MACF1: variants seen among roughly 807,000 people sequenced by gnomAD.
MACF1 encodes the protein microtubule-actin cross-linking factor 1.
MACF1 carries 193 observed loss-of-function variants against 854.8 expected under a neutral mutation model. The observed-to-expected ratio is 0.23, with a 90% CI of 0.20 to 0.25. The LOEUF (loss-of-function observed/expected upper bound fraction) is 0.25. Ranked by LOEUF, MACF1 falls within the 10% of genes least tolerant of loss-of-function variation. The pLI is 1.00. For missense variants in MACF1, 7,722 were observed against 8,929.1 expected (o/e 0.86, Z 5.45); for synonymous variants, 3,185 against 3,226.7 (o/e 0.99, Z 0.44).
Position 39,315,611 on chromosome 1 carries a change from C to A in MACF1, c.3369C>A (p.Val1123=), listed in dbSNP as rs776987214. ...FLHQSPSSSS[V]PTLRSELNLL... The stretch of plus-strand genomic sequence containing the variant: ...ATCAGTCTCCATCTAGTTCAAGTGT[C>A]CCAACTCTGCGCTCAGAACTGAATC... Residue 1123 remains valine, a synonymous_variant, in exon 27 of 101, where the codon GTC becomes GTA. Transcript: ENST00000564288. 5.0e-6 allele frequency: 8 copies of A among 1,614,118 alleles called. No homozygotes were observed. In the Admixed American group the frequency reaches 1.3e-4, roughly 27 times the overall value.
At chr1:39,379,072 A>G (rs1360441566) in intron 53 of MACF1, 131 bp from the exon 54 acceptor site, 2 of 992,838 alleles carry the variant, frequency 2.0e-6, no homozygotes, top group Non-Finnish European at 2.9e-6. Context: ...GAACTTTTGT[A>G]TGATTTAGCA....
At chr1:39,430,610 A>G in intron 65 of MACF1, 92 bp from the exon 66 acceptor site, 1 of 929,232 alleles carries the variant, frequency 1.1e-6, no homozygotes, top group East Asian at 2.5e-5. Context: ...TCCTGCTGGG[A>G]TGTGTGGTAG....
At chr1:39,231,359 T>C in intron 2 of MACF1, 116 bp downstream of exon 2, 1 of 913,306 alleles carries the variant, frequency 1.1e-6, no homozygotes, top group Admixed American at 2.0e-5. Flanking sequence ...TCTATGAAGA[T>C]ACACATGTGA....
At chr1:39,241,147 A>G (rs565813125) in intron 2 of MACF1, among the ~76,000 whole-genome samples, 1 of 151,496 alleles carries the variant, frequency 6.6e-6, no homozygotes, top group African/African-American at 2.4e-5. Flanking sequence ...GAGATCTGCC[A>G]TTCAGAAATC....
intron 30 of MACF1, among the ~76,000 whole-genome samples, chr1:39,318,830 CTG>C (rs751616364): frequency 1.3e-5 from 2 of 151,952 alleles, no homozygotes; most frequent in African/African-American, 4.8e-5. Flanking sequence ...GTTTCTGTAA[CTG>C]TATTGAAACC....
intron 70 of MACF1, chr1:39,437,559 A>T: frequency 4.0e-6 from 2 of 497,440 alleles, no homozygotes; most frequent in Non-Finnish European, 7.7e-6. Context: ...TGATCCACAC[A>T]CCTCAGCCTC....
chr1:39,214,708 T>C (rs1359091070), intron 1 of MACF1, among the ~76,000 whole-genome samples: 1 of 152,154 alleles, frequency 6.6e-6, no homozygotes, highest in African/African-American at 2.4e-5. Context: ...CAGCTGTAAG[T>C]GCGGGGAAGG....
intron 2 of MACF1, among the ~76,000 whole-genome samples, chr1:39,183,004 A>G (rs930915630): frequency 6.6e-6 from 1 of 152,240 alleles, no homozygotes; most frequent in Non-Finnish European, 1.5e-5. Flanking sequence ...TATCCATACA[A>G]CAGAATATTA....
At chr1:39,094,117 AT>A (rs1641878941) in intron 2 of MACF1, among the ~76,000 whole-genome samples, 3 of 151,756 alleles carry the variant, frequency 2.0e-5, no homozygotes, top group Admixed American at 2.0e-4. Flanking sequence ...CAAGACTCAG[AT>A]TTTTTTTACC....
rs746668953 is a variant in MACF1, at chr1:39,388,694, T to C, written c.15816+36T>C. The C allele has an allele frequency of 3.3e-6, 5 of 1,500,372 alleles. No individual in the cohort carries two copies. In the African/African-American group the frequency reaches 7.0e-5, roughly 21 times the overall value. The allele number at this position is 1,500,372 out of a possible 1,614,324, so 92.9% of individuals were successfully genotyped here. A position where few individuals can be genotyped will look rare whatever the true frequency, so the allele number is the denominator to read the frequency against. ...ACCTTGTTTTTCTTTTTCTTTTACA[T>C]GTATTTATTTGCTTGTAACTTGGAA... On this transcript the variant is annotated intron_variant, in intron 58 of 100. Transcript: ENST00000564288.
chr1:39,134,368 T>G (rs1273784348), intron 2 of MACF1, among the ~76,000 whole-genome samples: 1 of 152,148 alleles, frequency 6.6e-6, no homozygotes, highest in African/African-American at 2.4e-5. Flanking sequence ...TTAACAAGAA[T>G]AAGTGGAATC....
At chr1:39,484,468 C>G in intron 99 of MACF1, 133 bp from the exon 100 acceptor site, 1 of 753,402 alleles carries the variant, frequency 1.3e-6, no homozygotes, top group Non-Finnish European at 2.2e-6. Flanking sequence ...TAAGAGAAAT[C>G]TTTGTTTTCC....
At position 39,434,408 on chromosome 1, in the gene MACF1, A is replaced by G. The variant is rs374768437; in HGVS notation, c.17566-6A>G. 5.8e-6 allele frequency: 8 copies of G among 1,386,200 alleles called. No homozygotes were observed. Among genetic ancestry groups the G allele is most frequent in the Non-Finnish European group, 6.8e-6 (7 of 1,034,082 alleles). 85.9% of individuals were successfully genotyped at this position (1,386,200 alleles called of 1,614,324 possible). A position where few individuals can be genotyped will look rare whatever the true frequency, so the allele number is the denominator to read the frequency against. On this transcript the variant is annotated splice_region_variant and splice_polypyrimidine_tract_variant and intron_variant, in intron 68 of 100. Coordinates refer to ENST00000564288, the MANE Select transcript of MACF1 (RefSeq NM_001394062.1). ...ATCCTTTTTTTTTTTTTTTTTGCTC[A>G]CATAGGAAAAGACAGAGTCTCTAAT...
In MACF1 at chr1:39,430,842, A is replaced by G. The variant is rs1220185609; in HGVS notation, c.17271A>G (p.Lys5757=). The change falls in exon 66 of 101, where the codon AAA becomes AAG. Residue 5757 remains lysine, a synonymous_variant. Transcript: ENST00000564288. ...TGTCCGATGCTAACGAGCAGTACAAACTAGTCAGTGACACTATTGGACAAA... is the reference window on the plus strand; with the variant it reads ...TGTCCGATGCTAACGAGCAGTACAAGCTAGTCAGTGACACTATTGGACAAA... ...KLVSDANEQY[K]LVSDTIGQRV... 6.2e-7 allele frequency: 1 copy of G among 1,612,788 alleles called. No homozygotes were observed. Among genetic ancestry groups the G allele is most frequent in the Non-Finnish European group, 8.5e-7 (1 of 1,180,022 alleles).
intron 2 of MACF1, among the ~76,000 whole-genome samples, chr1:39,132,854 A>G (rs959039431): frequency 2.6e-5 from 4 of 152,150 alleles, no homozygotes; most frequent in Admixed American, 6.5e-5. Context: ...TTTTGTTCCC[A>G]TGGGAGAGAC....
Position 39,388,665 on chromosome 1 carries a change from C to CG in MACF1, c.15816+7_15816+8insG. 3 of 1,536,802 alleles carry CG rather than the reference C, an allele frequency of 2.0e-6. No individual in the cohort carries two copies. Among genetic ancestry groups the CG allele is most frequent in the Non-Finnish European group, 2.6e-6 (3 of 1,147,402 alleles). ...ACAATTAGCAGATTTTAAAGTAAGT[C>CG]TGAACCTTGTTTTTCTTTTTCTTTT... On this transcript the variant is annotated splice_region_variant and intron_variant, in intron 58 of 100. Transcript: ENST00000564288.
chr1:39,184,603 G>A (rs1264176702), intron 2 of MACF1, among the ~76,000 whole-genome samples: 2 of 152,080 alleles, frequency 1.3e-5, no homozygotes, highest in East Asian at 3.9e-4. Context: ...GGCGGAGTGT[G>A]GTGGCGGGAT....
In MACF1 at chr1:39,334,606, GA is replaced by G. The variant is rs1245482102; in HGVS notation, c.8022del (p.Val2675Ter). ...VLTLSQAIQL[G>X]KVDFASTLKV... ...ACATTGTCTCAAGCAATTCAGCTTG[GA>G]AAAGTAGACTTTGCATCTACGCTGA... On this transcript the variant is annotated frameshift_variant, in exon 37 of 101. Transcript: ENST00000564288. LOFTEE classifies it high-confidence loss of function. The G allele has an allele frequency of 3.1e-6, 5 of 1,613,978 alleles. No homozygotes were observed. The highest frequency in any genetic ancestry group is 3.4e-6 in the Non-Finnish European group (4 of 1,180,010).
intron 2 of MACF1, among the ~76,000 whole-genome samples, chr1:39,164,995 G>C (rs1053895062): frequency 9.9e-5 from 15 of 152,168 alleles, no homozygotes; most frequent in African/African-American, 3.6e-4. Flanking sequence ...TTCTGACTTG[G>C]AGTGGACATC....
Sources: allele counts gnomAD v4.1 joint callset (sites outside exome capture counted in the v4.1 genomes callset), GRCh38; gene constraint gnomAD v4.1.1; transcripts MANE v1.5; gene names NCBI Gene and HGNC (gene_info 2026-07-23, HGNC 2026-07-21).